Variants in CACNB4 observed in about 807,000 individuals in gnomAD.
The protein encoded by CACNB4 is voltage-dependent L-type calcium channel subunit beta-4.
CACNB4 carries 32 observed loss-of-function variants against 71.2 expected under a neutral mutation model. The observed-to-expected ratio is 0.45, with a 90% CI of 0.34 to 0.60. The LOEUF (loss-of-function observed/expected upper bound fraction) is 0.60. CACNB4 is among the 20% of genes least tolerant of loss of function. CACNB4 has a pLI of 0.01. For synonymous variants in CACNB4, 231 were observed against 236.9 expected, an observed-to-expected ratio of 0.97 and a Z score of 0.23; for missense variants, 464 against 647.9, an observed-to-expected ratio of 0.72 and a Z score of 3.08.
At chr2:151,985,888 T>C (rs1424255925) in intron 2 of CACNB4, among the ~76,000 whole-genome samples, 1 of 152,162 alleles carries the variant, frequency 6.6e-6, no homozygotes, top group African/African-American at 2.4e-5. Context: ...AAAATCTGAA[T>C]CATCTCTGGA....
At chr2:151,970,991 CAA>C (rs1289952674) in intron 2 of CACNB4, 11 of 113,966 alleles carry the variant, frequency 9.7e-5, no homozygotes, top group South Asian at 3.2e-4. Context: ...GACTCCGTCT[CAA>C]AAAAAAAAAA....
intron 10 of CACNB4, chr2:151,857,220 T>C (rs1344455914): frequency 6.6e-6 from 1 of 152,250 alleles, no homozygotes; most frequent in African/African-American, 2.4e-5. Flanking sequence ...TATTTTCTTA[T>C]GTTTTGCATG....
intron 2 of CACNB4, among the ~76,000 whole-genome samples, chr2:151,916,522 C>G (rs2099857589): frequency 6.6e-6 from 1 of 152,096 alleles, no homozygotes; most frequent in Non-Finnish European, 1.5e-5. Flanking sequence ...TAAAGTATCA[C>G]CAGTTTTAAA....
intron 2 of CACNB4, among the ~76,000 whole-genome samples, chr2:151,900,408 C>T (rs1222813618): frequency 1.3e-5 from 2 of 152,192 alleles, no homozygotes; most frequent in Non-Finnish European, 2.9e-5. Flanking sequence ...TAAGCATCAT[C>T]ATGATCTGCT....
In CACNB4 at chr2:152,074,448, G is replaced by A. The variant is rs568837807; in HGVS notation, c.147+23882C>T. Among the ~76,000 whole-genome samples, 759 of 145,400 alleles carry A rather than the reference G, an allele frequency of 5.2e-3. 10 individuals are homozygous for A. Among genetic ancestry groups the A allele is most frequent in the African/African-American group, 0.018 (680 of 38,562 alleles). ...CCACCATAACCATCACCAAGCCATC[G>A]TGGCATAATCACTACTATCACTACT... On this transcript the variant is annotated intron_variant, in intron 2 of 13. Transcript: ENST00000539935.
At chr2:152,044,778 G>A (rs2105263137) in intron 2 of CACNB4, among the ~76,000 whole-genome samples, 1 of 152,226 alleles carries the variant, frequency 6.6e-6, no homozygotes, top group South Asian at 2.1e-4. Flanking sequence ...GGCCACCATG[G>A]CAGGTCCACA....
intron 2 of CACNB4, among the ~76,000 whole-genome samples, chr2:152,062,554 G>T (rs1216265590): frequency 1.3e-5 from 2 of 152,166 alleles, no homozygotes; most frequent in Non-Finnish European, 1.5e-5. Flanking sequence ...CACAGAATGG[G>T]CAAGATCTCT....
At chr2:152,028,221 A>G (rs1487755860) in intron 2 of CACNB4, among the ~76,000 whole-genome samples, 3 of 152,224 alleles carry the variant, frequency 2.0e-5, no homozygotes, top group African/African-American at 7.2e-5. Context: ...TGGATACTGA[A>G]CCAAAGGGTT....
chr2:151,981,761 T>C (rs564332345), intron 2 of CACNB4, among the ~76,000 whole-genome samples: 5 of 152,116 alleles, frequency 3.3e-5, no homozygotes, highest in Non-Finnish European at 7.4e-5. Flanking sequence ...ATAACTACAT[T>C]GCAAAAAGCC....
chr2:151,845,384 A>G (rs2151327686), intron 12 of CACNB4, among the ~76,000 whole-genome samples: 1 of 152,350 alleles, frequency 6.6e-6, no homozygotes, highest in East Asian at 1.9e-4. Flanking sequence ...ATCTAGGAAG[A>G]ATTTCACAGC....
intron 2 of CACNB4, among the ~76,000 whole-genome samples, chr2:152,010,635 G>A (rs953272077): frequency 6.6e-6 from 1 of 152,198 alleles, no homozygotes; most frequent in South Asian, 2.1e-4. Context: ...ATAAACTTGA[G>A]ATTCGAAGAA....
chr2:151,841,348 A>G (rs1431764399), intron 13 of CACNB4, among the ~76,000 whole-genome samples: 1 of 152,180 alleles, frequency 6.6e-6, no homozygotes, highest in South Asian at 2.1e-4. Flanking sequence ...CAAGGCAGGA[A>G]GATTGCTTGA....
At chr2:152,014,953 G>T (rs553865770) in intron 2 of CACNB4, among the ~76,000 whole-genome samples, 1 of 152,232 alleles carries the variant, frequency 6.6e-6, no homozygotes, top group Non-Finnish European at 1.5e-5. Context: ...GGAAGGCAAG[G>T]CGCTGTAAAC....
intron 2 of CACNB4, among the ~76,000 whole-genome samples, chr2:151,929,619 C>T (rs976265806): frequency 6.6e-6 from 1 of 152,126 alleles, no homozygotes; most frequent in Non-Finnish European, 1.5e-5. Context: ...CCATTATTTG[C>T]AGATAATATG....
chr2:151,836,723 GAAAAACCTTT>G lies in CACNB4; in HGVS notation c.*2386_*2395del, dbSNP rs1300484139. Reference sequence around the variant, plus strand: ...CATGGAAGACTAAAAACAAGGCTTTGAAAAACCTTTAAAAACAAGTGACTTTTAAAAAGTT... The same window carrying G: ...CATGGAAGACTAAAAACAAGGCTTTGAAAAACAAGTGACTTTTAAAAAGTT... On this transcript the variant is annotated 3_prime_UTR_variant, in exon 14 of 14. Coordinates refer to ENST00000539935, the MANE Select transcript of CACNB4 (RefSeq NM_000726.5). The G allele has an allele frequency of 6.6e-6, 1 of 151,864 alleles. No homozygotes were observed. Among genetic ancestry groups the G allele is most frequent in the Non-Finnish European group, 1.5e-5 (1 of 67,816 alleles). 9.4% of individuals were successfully genotyped at this position (151,864 alleles called of 1,614,324 possible). A position where few individuals can be genotyped will look rare whatever the true frequency, so the allele number is the denominator to read the frequency against.
chr2:152,003,070 A>G (rs190177547), intron 2 of CACNB4, among the ~76,000 whole-genome samples: 2,702 of 152,342 alleles, frequency 0.018, 259 homozygotes, highest in Admixed American at 0.16. Context: ...TGGAAAATAT[A>G]AAGTTTTGCC....
chr2:151,984,316 T>C (rs1389902131), intron 2 of CACNB4, among the ~76,000 whole-genome samples: 1 of 152,202 alleles, frequency 6.6e-6, no homozygotes, highest in South Asian at 2.1e-4. Flanking sequence ...GGAAAAGGGC[T>C]ATTGTCAGTA....
intron 2 of CACNB4, chr2:151,971,532 C>T (rs2099872550): frequency 1.4e-6 from 1 of 702,956 alleles, no homozygotes; most frequent in East Asian, 2.7e-5. Flanking sequence ...TCTGGACAAC[C>T]CCCCACACTT....
At chr2:152,039,415 C>A (rs76651531) in intron 2 of CACNB4, among the ~76,000 whole-genome samples, 125 of 137,542 alleles carry the variant, frequency 9.1e-4, no homozygotes, top group Admixed American at 1.0e-3. Context: ...GACTCTGTCT[C>A]AAAAAAAAAA....
Sources: gnomAD v4.1 joint callset for allele counts (sites outside exome capture counted in the v4.1 genomes callset) on GRCh38, gnomAD v4.1.1 for gene constraint, MANE v1.5 for transcripts, NCBI Gene and HGNC (gene_info 2026-07-23, HGNC 2026-07-21) for gene names.